Variants in NBEAL1 observed in about 807,000 individuals in gnomAD.
NBEAL1 encodes neurobeachin like 1.
NBEAL1 carries 273 observed loss-of-function variants against 351.3 expected under a neutral mutation model. That is an observed-to-expected ratio of 0.78 (90% CI 0.70 to 0.86). NBEAL1 has a LOEUF of 0.86. Ranked by LOEUF, NBEAL1 falls within the 40% of genes least tolerant of loss-of-function variation. The pLI, the probability that NBEAL1 is intolerant of heterozygous loss-of-function variation, is 0.00. For missense variants in NBEAL1, 2,961 were observed against 3,201.3 expected (o/e 0.92, Z 1.81); for synonymous variants, 1,050 against 1,086.4 (o/e 0.97, Z 0.66).
At chr2:203,031,938 A>G (rs2060955207) in intron 2 of NBEAL1, among the ~76,000 whole-genome samples, 1 of 152,232 alleles carries the variant, frequency 6.6e-6, no homozygotes, top group African/African-American at 2.4e-5. Flanking sequence ...CTGTGTGATC[A>G]GTAGAATTTG....
At chr2:203,192,320 G>A (rs1298428211) in intron 46 of NBEAL1, among the ~76,000 whole-genome samples, 1 of 151,582 alleles carries the variant, frequency 6.6e-6, no homozygotes, top group East Asian at 1.9e-4. Flanking sequence ...TTTTTATTGT[G>A]ATGAAAATGA....
At chr2:203,103,715 T>G (rs2062376414) in intron 12 of NBEAL1, among the ~76,000 whole-genome samples, 1 of 152,220 alleles carries the variant, frequency 6.6e-6, no homozygotes, top group African/African-American at 2.4e-5. Flanking sequence ...GGATTTGCAG[T>G]CTTTCTAACT....
At chr2:203,189,390 TA>T (rs770410562) in intron 45 of NBEAL1, among the ~76,000 whole-genome samples, 48 of 152,326 alleles carry the variant, frequency 3.2e-4, no homozygotes, top group Non-Finnish European at 5.7e-4. Context: ...TTTATTTATT[TA>T]TTTTTTTATC....
chr2:203,023,798 A>C (rs952572093), intron 2 of NBEAL1, among the ~76,000 whole-genome samples: 2 of 152,142 alleles, frequency 1.3e-5, no homozygotes, highest in Non-Finnish European at 2.9e-5. Context: ...AAGATTTGAG[A>C]GTTCTCATAT....
intron 4 of NBEAL1, among the ~76,000 whole-genome samples, chr2:203,053,487 G>A (rs929458490): frequency 3.3e-5 from 5 of 151,908 alleles, no homozygotes; most frequent in Admixed American, 3.3e-4. Flanking sequence ...CAGGTATCTG[G>A]GTTTTTTTTG....
intron 15 of NBEAL1, among the ~76,000 whole-genome samples, chr2:203,110,716 T>TAAATAAATAAATAA (rs1387132496): frequency 1.8e-4 from 13 of 73,692 alleles, no homozygotes; most frequent in African/African-American, 5.0e-4. Flanking sequence ...TAAATAAATA[T>TAAATAAATAAATAA]ATAGAACGTT....
chr2:203,175,696 C>A (rs1203271983), intron 42 of NBEAL1, among the ~76,000 whole-genome samples: 2 of 152,156 alleles, frequency 1.3e-5, no homozygotes, highest in African/African-American at 4.8e-5. Flanking sequence ...TCAAACAAGT[C>A]TTTGATACCA....
At chr2:203,080,389 G>T (rs527725615) in intron 8 of NBEAL1, among the ~76,000 whole-genome samples, 4 of 152,120 alleles carry the variant, frequency 2.6e-5, no homozygotes, top group Non-Finnish European at 5.9e-5. Flanking sequence ...TCCAGCCTGG[G>T]CAACAGAGCG....
chr2:203,068,840 C>A (rs1189333686), intron 7 of NBEAL1, among the ~76,000 whole-genome samples: 1 of 152,158 alleles, frequency 6.6e-6, no homozygotes, highest in Non-Finnish European at 1.5e-5. Context: ...AGCAATTGTC[C>A]TGCCTCAGCC....
chr2:203,141,386 T>TA (rs2063377187), intron 31 of NBEAL1, among the ~76,000 whole-genome samples: 1 of 99,006 alleles, frequency 1.0e-5, no homozygotes. Context: ...TTTTTTTTTT[T>TA]TTTTTTTTTT....
intron 9 of NBEAL1, among the ~76,000 whole-genome samples, chr2:203,083,923 A>C (rs1390246353): frequency 6.6e-6 from 1 of 151,698 alleles, no homozygotes; most frequent in African/African-American, 2.4e-5. Flanking sequence ...CGCTTCAAAA[A>C]TCTGCCCTTT....
At chr2:203,117,691 G>A (rs1190329030) in intron 18 of NBEAL1, among the ~76,000 whole-genome samples, 4 of 151,838 alleles carry the variant, frequency 2.6e-5, no homozygotes, top group African/African-American at 9.7e-5. Flanking sequence ...ACCCCACACC[G>A]TTTTTTTGGA....
chr2:203,020,851 C>G (rs566715659), intron 2 of NBEAL1, among the ~76,000 whole-genome samples: 18 of 152,220 alleles, frequency 1.2e-4, no homozygotes, highest in African/African-American at 4.3e-4. Context: ...CAGTAGTTAA[C>G]TACTTCTTGT....
At chr2:203,216,501 T>TG (rs1423292039) in intron 55 of NBEAL1, among the ~76,000 whole-genome samples, 1 of 152,078 alleles carries the variant, frequency 6.6e-6, no homozygotes, top group Non-Finnish European at 1.5e-5. Context: ...CCCAGCACTT[T>TG]GGGAGGCTGA....
intron 2 of NBEAL1, chr2:203,040,316 G>A: frequency 1.3e-6 from 1 of 741,212 alleles, no homozygotes; most frequent in Non-Finnish European, 2.4e-6. Context: ...GTGCATCTCA[G>A]ACGACTAGAA....
intron 54 of NBEAL1, among the ~76,000 whole-genome samples, chr2:203,213,058 T>G (rs1384568548): frequency 6.6e-6 from 1 of 152,206 alleles, no homozygotes; most frequent in East Asian, 1.9e-4. Flanking sequence ...CCTGTCTAAC[T>G]GTTGTGTTCC....
At chr2:203,200,046 G>A (rs1480072468) in intron 49 of NBEAL1, among the ~76,000 whole-genome samples, 1 of 152,144 alleles carries the variant, frequency 6.6e-6, no homozygotes, top group African/African-American at 2.4e-5. Context: ...CCCTTACACT[G>A]AATTGTCCTG....
At chr2:203,066,226 A>G (rs1398058385) in intron 6 of NBEAL1, among the ~76,000 whole-genome samples, 2 of 152,204 alleles carry the variant, frequency 1.3e-5, no homozygotes, top group Non-Finnish European at 2.9e-5. Flanking sequence ...TTTGGATAGG[A>G]TATAAGCAAT....
At position 203,107,645 on chromosome 2, in the gene NBEAL1, G is replaced by A. The variant is rs1193481847; in HGVS notation, c.1406G>A (p.Gly469Asp). ...EGDHTSVGIL[G>D]ISNVQPLLLL... is the part of the protein sequence containing the mutation. ...GACCACACTTCAGTTGGGATTTTGGGCATTAGTAATGTCCAACCTCTCTTG... is the reference window on the plus strand; with the variant it reads ...GACCACACTTCAGTTGGGATTTTGGACATTAGTAATGTCCAACCTCTCTTG... Residue 469 changes from glycine (G) to aspartate (D), a missense_variant, in exon 14 of 56, where the codon GGC (glycine) becomes GAC (aspartate). Coordinates refer to ENST00000683969, the MANE Select transcript of NBEAL1 (RefSeq NM_001378026.1). 1.1e-5 allele frequency: 17 copies of A among 1,552,216 alleles called. No homozygotes were observed. The highest frequency in any genetic ancestry group is 1.4e-5 in the Non-Finnish European group (16 of 1,147,126).
Sources: allele counts gnomAD v4.1 joint callset (sites outside exome capture counted in the v4.1 genomes callset), GRCh38; gene constraint gnomAD v4.1.1; transcripts MANE v1.5; gene names NCBI Gene and HGNC (gene_info 2026-07-23, HGNC 2026-07-21).